Variants in SMYD3 observed in about 807,000 individuals in gnomAD.
The protein encoded by SMYD3 is SET and MYND domain containing 3.
Under a neutral mutation model 57.7 loss-of-function variants are expected in SMYD3, and 36 were observed. The ratio of observed to expected loss-of-function variants is 0.62; its 90% CI spans 0.48 to 0.82. The LOEUF is 0.82. Ranked by LOEUF, SMYD3 falls within the 40% of genes least tolerant of loss-of-function variation. The pLI, the probability that SMYD3 is intolerant of heterozygous loss-of-function variation, is 0.00. For missense variants in SMYD3, 515 were observed against 538.8 expected (o/e 0.96, Z 0.44); for synonymous variants, 211 against 195.0 (o/e 1.08, Z -0.68).
At chr1:246,111,805 G>C (rs6674153) in intron 5 of SMYD3, among the ~76,000 whole-genome samples, 24,782 of 152,214 alleles carry the variant, frequency 0.16, 3,626 homozygotes, top group African/African-American at 0.39. Context: ...TGAGGTAAAC[G>C]GTAGAGGCAG....
At chr1:245,839,550 G>C (rs1449236103) in intron 10 of SMYD3, among the ~76,000 whole-genome samples, 1 of 152,094 alleles carries the variant, frequency 6.6e-6, no homozygotes, top group Non-Finnish European at 1.5e-5. Context: ...GTAAGAGAAT[G>C]AGGGGGTGAC....
chr1:245,795,263 A>G (rs577250562), intron 10 of SMYD3, among the ~76,000 whole-genome samples: 21 of 152,304 alleles, frequency 1.4e-4, no homozygotes, highest in African/African-American at 4.8e-4. Context: ...TTATACCTCC[A>G]TAGACTCACA....
chr1:245,843,884 A>G (rs2050530849), intron 10 of SMYD3, among the ~76,000 whole-genome samples: 1 of 152,224 alleles, frequency 6.6e-6, no homozygotes, highest in Admixed American at 6.5e-5. Flanking sequence ...GGGACATTAC[A>G]GTCATGTGGG....
chr1:246,053,083 A>T (rs1298669017), intron 5 of SMYD3: 1 of 152,148 alleles, frequency 6.6e-6, no homozygotes, highest in Admixed American at 6.6e-5. Flanking sequence ...AAAAATAAAA[A>T]TAATAATAAT....
At chr1:245,766,499 C>T (rs1023370610) in intron 10 of SMYD3, among the ~76,000 whole-genome samples, 1 of 151,556 alleles carries the variant, frequency 6.6e-6, no homozygotes, top group African/African-American at 2.4e-5. Context: ...CTTCAGTATG[C>T]CAAGGGGTCA....
intron 5 of SMYD3, among the ~76,000 whole-genome samples, chr1:246,050,523 G>A (rs1231616709): frequency 6.6e-6 from 1 of 152,144 alleles, no homozygotes; most frequent in East Asian, 1.9e-4. Context: ...ATGAAGAAGA[G>A]GTTCTAAGTG....
In SMYD3 at chr1:246,507,278, C is replaced by G; in HGVS notation, c.-61G>C. The G allele has an allele frequency of 7.1e-7, 1 of 1,416,254 alleles. No individual in the cohort carries two copies. The highest frequency in any genetic ancestry group is 1.5e-5 in the South Asian group (1 of 67,106). 87.7% of individuals were successfully genotyped at this position (1,416,254 alleles called of 1,614,324 possible). ...CGTCCAGCAGCGGGCGTCTCACGGG[C>G]TGCCGGGACCCGCGCGCCTGCGCCC... is the stretch of plus-strand genomic sequence containing the variant. On this transcript the variant is annotated 5_prime_UTR_variant, in exon 1 of 12. Coordinates refer to ENST00000490107, the MANE Select transcript of SMYD3 (RefSeq NM_001167740.2).
At chr1:245,936,744 A>C (rs1460100053) in intron 5 of SMYD3, among the ~76,000 whole-genome samples, 4 of 116,066 alleles carry the variant, frequency 3.4e-5, no homozygotes, top group Non-Finnish European at 7.1e-5. Context: ...AAAATACAAA[A>C]ATTAGCTGGG....
intron 10 of SMYD3, among the ~76,000 whole-genome samples, chr1:245,814,870 ACACG>A (rs200629037): frequency 0.041 from 6,116 of 149,750 alleles, 407 homozygotes; most frequent in African/African-American, 0.15. Context: ...AAGCACACAC[ACACG>A]CACGCACACA....
intron 1 of SMYD3, 55 bp downstream of exon 1, chr1:246,506,999 C>CCCCA: frequency 1.0e-6 from 1 of 972,790 alleles, no homozygotes; most frequent in Non-Finnish European, 1.3e-6. Flanking sequence ...GCCCCCCCCT[C>CCCCA]CCCAGCACCC....
chr1:246,264,041 GTTT>G (rs35429908), intron 5 of SMYD3, among the ~76,000 whole-genome samples: 31,359 of 148,544 alleles, frequency 0.21, 3,686 homozygotes, highest in East Asian at 0.39. Flanking sequence ...AGAAATAAAT[GTTT>G]TTTTTTTTGT....
chr1:245,924,088 T>G (rs772511520), intron 7 of SMYD3, among the ~76,000 whole-genome samples: 2 of 152,232 alleles, frequency 1.3e-5, no homozygotes, highest in Non-Finnish European at 2.9e-5. Flanking sequence ...GCCAATGGCA[T>G]TATTTGTAAC....
chr1:245,814,232 TG>T, intron 10 of SMYD3: 1 of 289,760 alleles, frequency 3.5e-6, no homozygotes, highest in Non-Finnish European at 5.2e-6. Flanking sequence ...CCTGCATTTC[TG>T]GTCTACTCCT....
At chr1:246,431,893 A>C (rs1406196618) in intron 1 of SMYD3, among the ~76,000 whole-genome samples, 4 of 152,188 alleles carry the variant, frequency 2.6e-5, no homozygotes, top group African/African-American at 9.6e-5. Context: ...ATTTTATAAT[A>C]GAAAGAGCCA....
intron 5 of SMYD3, among the ~76,000 whole-genome samples, chr1:246,089,688 T>G (rs1178656216): frequency 6.6e-6 from 1 of 152,196 alleles, no homozygotes; most frequent in Non-Finnish European, 1.5e-5. Context: ...TTTCAACTAC[T>G]CAACCAAAAG....
intron 10 of SMYD3, among the ~76,000 whole-genome samples, chr1:245,804,545 G>A (rs1015979146): frequency 2.6e-5 from 4 of 152,158 alleles, no homozygotes; most frequent in South Asian, 4.1e-4. Context: ...GTGACAAAGC[G>A]AGACTCCGTC....
intron 7 of SMYD3, among the ~76,000 whole-genome samples, chr1:245,916,452 T>C (rs4409617): frequency 0.06 from 9,203 of 152,204 alleles, 544 homozygotes; most frequent in African/African-American, 0.14. Context: ...AACAGAATGC[T>C]TGATCTTCCC....
At chr1:245,901,918 CCT>C (rs1222555125) in intron 8 of SMYD3, among the ~76,000 whole-genome samples, 1 of 152,130 alleles carries the variant, frequency 6.6e-6, no homozygotes, top group Non-Finnish European at 1.5e-5. Context: ...CTTCACAGGC[CCT>C]GAGCCTAGTA....
intron 5 of SMYD3, among the ~76,000 whole-genome samples, chr1:246,019,656 T>C (rs2059435284): frequency 1.3e-5 from 2 of 152,224 alleles, no homozygotes; most frequent in Non-Finnish European, 2.9e-5. Flanking sequence ...AGAATTCATA[T>C]CTAGATTACC....
Sources: gnomAD v4.1 joint callset for allele counts (sites outside exome capture counted in the v4.1 genomes callset) on GRCh38, gnomAD v4.1.1 for gene constraint, MANE v1.5 for transcripts, NCBI Gene and HGNC (gene_info 2026-07-23, HGNC 2026-07-21) for gene names.